Variants in FAM3D observed in about 807,000 individuals in gnomAD.
The protein encoded by FAM3D is FAM3 metabolism regulating signaling molecule D, also known as protein FAM3D.
In FAM3D, 26 loss-of-function variants were observed where a neutral mutation model predicts 29.8. The observed-to-expected ratio is 0.87, with a 90% CI of 0.64 to 1.21. The LOEUF (loss-of-function observed/expected upper bound fraction) is 1.21. FAM3D is among the 50% of genes most tolerant of loss of function. The pLI is 0.00. For missense variants in FAM3D, 253 were observed against 290.9 expected (o/e 0.87, Z 0.95); for synonymous variants, 115 against 102.3 (o/e 1.12, Z -0.75).
chr3:58,655,490 G>A, intron 2 of FAM3D, 61 bp downstream of exon 2: 2 of 1,606,178 alleles, frequency 1.2e-6, no homozygotes, highest in East Asian at 2.2e-5. Flanking sequence ...ATCACTGTGA[G>A]CCCAGGATGG....
At chr3:58,649,677 C>A (rs140215428) in intron 3 of FAM3D, among the ~76,000 whole-genome samples, 1 of 152,136 alleles carries the variant, frequency 6.6e-6, no homozygotes, top group Non-Finnish European at 1.5e-5. Context: ...TGTACACACA[C>A]GCAGACATAC....
intron 1 of FAM3D, among the ~76,000 whole-genome samples, chr3:58,662,354 A>G (rs901974738): frequency 2.0e-5 from 3 of 152,258 alleles, no homozygotes; most frequent in Admixed American, 2.0e-4. Flanking sequence ...TGGCTTGGGA[A>G]GCCATTAAGA....
intron 6 of FAM3D, among the ~76,000 whole-genome samples, chr3:58,640,778 G>A (rs956751325): frequency 2.4e-4 from 36 of 152,234 alleles, no homozygotes; most frequent in Admixed American, 2.2e-3. Flanking sequence ...CTGGAGGAAC[G>A]TTACAGTTCG....
intron 6 of FAM3D, 80 bp from the exon 7 acceptor site, chr3:58,640,257 T>C (rs2066290906): frequency 2.1e-6 from 3 of 1,443,858 alleles, no homozygotes; most frequent in African/African-American, 2.8e-5. Flanking sequence ...GCCTAATCTG[T>C]AGTCTAAGAT....
At chr3:58,649,558 T>C (rs536943674) in intron 3 of FAM3D, 25 of 589,066 alleles carry the variant, frequency 4.2e-5, no homozygotes, top group Middle Eastern at 6.5e-4. Flanking sequence ...CGCACACACA[T>C]ATACACATGC....
At chr3:58,656,339 G>C (rs993082674) in intron 1 of FAM3D, among the ~76,000 whole-genome samples, 1 of 152,190 alleles carries the variant, frequency 6.6e-6, no homozygotes, top group Non-Finnish European at 1.5e-5. Flanking sequence ...GCAAGGGTGA[G>C]AGCCAGAATT....
At chr3:58,663,019 C>T (rs111943135) in intron 1 of FAM3D, among the ~76,000 whole-genome samples, 2 of 152,230 alleles carry the variant, frequency 1.3e-5, no homozygotes, top group Non-Finnish European at 2.9e-5. Flanking sequence ...CTGCCTCAGC[C>T]TCCCCAGTAG....
At chr3:58,643,867 CTCCT>C in intron 5 of FAM3D, 147 bp from the exon 6 acceptor site, 1 of 735,354 alleles carries the variant, frequency 1.4e-6, no homozygotes, top group Non-Finnish European at 2.4e-6. Flanking sequence ...CATCTGTTTT[CTCCT>C]GAAAACTAGT....
intron 2 of FAM3D, 23 bp from the exon 3 acceptor site, chr3:58,653,804 C>T (rs1051595730): frequency 1.3e-6 from 2 of 1,587,216 alleles, no homozygotes; most frequent in African/African-American, 2.7e-5. Context: ...GGGATGCTGC[C>T]AGGAGACCAC....
At chr3:58,648,730 T>A (rs2066544743) in intron 4 of FAM3D, among the ~76,000 whole-genome samples, 1 of 152,180 alleles carries the variant, frequency 6.6e-6, no homozygotes, top group Non-Finnish European at 1.5e-5. Context: ...ATTCTTGCCT[T>A]TAGGCCTTTG....
At chr3:58,663,296 T>C (rs2066967276) in intron 1 of FAM3D, among the ~76,000 whole-genome samples, 1 of 152,168 alleles carries the variant, frequency 6.6e-6, no homozygotes, top group Admixed American at 6.5e-5. Flanking sequence ...ATGTTATGTA[T>C]ATCTTTGCCA....
intron 4 of FAM3D, among the ~76,000 whole-genome samples, chr3:58,649,016 G>T (rs2066552368): frequency 6.6e-6 from 1 of 152,186 alleles, no homozygotes; most frequent in South Asian, 2.1e-4. Context: ...AGAGACAGGG[G>T]GCAGGGGCAG....
At chr3:58,636,921 CTGTTAT>C (rs543153020) in intron 8 of FAM3D, among the ~76,000 whole-genome samples, 122 of 152,250 alleles carry the variant, frequency 8.0e-4, no homozygotes, top group African/African-American at 2.7e-3. Flanking sequence ...AGCCAGTCAG[CTGTTAT>C]TATTGGACAG....
chr3:58,634,467 G>T lies in FAM3D; in HGVS notation c.586-99C>A. The T allele has an allele frequency of 9.4e-7, 1 of 1,064,136 alleles. No homozygotes were observed. The allele number at this position is 1,064,136 out of a possible 1,614,324, so 65.9% of individuals were successfully genotyped here. ...TGCTCTAAACCTAAATGGGGGTGTG[G>T]GATGTTATTAACCCACTTCACAGAT... On this transcript the variant is annotated intron_variant, in intron 9 of 9. Coordinates refer to ENST00000358781, the MANE Select transcript of FAM3D (RefSeq NM_138805.3). This position sits in a 1 kb window ranked among gnomAD's most constrained non-coding sequence, Gnocchi z 4.6.
chr3:58,650,974 C>T (rs2066621271), intron 3 of FAM3D, among the ~76,000 whole-genome samples: 1 of 149,648 alleles, frequency 6.7e-6, no homozygotes, highest in South Asian at 2.1e-4. Flanking sequence ...GCCTCGGCAT[C>T]CCAAAGTGCT....
At chr3:58,641,707 T>C (rs1698259710) in intron 6 of FAM3D, among the ~76,000 whole-genome samples, 1 of 152,126 alleles carries the variant, frequency 6.6e-6, no homozygotes, top group East Asian at 1.9e-4. Flanking sequence ...ACCTGGGAAA[T>C]GGGGATATTG....
chr3:58,643,801 T>A (rs2066402559), intron 5 of FAM3D, 81 bp from the exon 6 acceptor site: 1 of 1,294,586 alleles, frequency 7.7e-7, no homozygotes, highest in Non-Finnish European at 1.1e-6. Context: ...GGGAACTCCG[T>A]GAGGACCCAC....
chr3:58,665,428 C>G (rs2067011489), intron 1 of FAM3D, among the ~76,000 whole-genome samples: 1 of 152,172 alleles, frequency 6.6e-6, no homozygotes, highest in South Asian at 2.1e-4. Context: ...TGGGAGAAGT[C>G]TGCCCTGACT....
chr3:58,642,309 T>C (rs978971627), intron 6 of FAM3D, among the ~76,000 whole-genome samples: 1 of 152,090 alleles, frequency 6.6e-6, no homozygotes, highest in African/African-American at 2.4e-5. Context: ...CCCATTAGGG[T>C]TTCTTGGCAG....
Sources: gnomAD v4.1 joint callset for allele counts (sites outside exome capture counted in the v4.1 genomes callset) on GRCh38, gnomAD v4.1.1 for gene constraint, Gnocchi (gnomAD v3.1) non-coding constraint, MANE v1.5 for transcripts, NCBI Gene and HGNC (gene_info 2026-07-23, HGNC 2026-07-21) for gene names.